The following CDC73 variants were observed in gnomAD, a reference collection of about 807,000 sequenced individuals.
CDC73 encodes parafibromin.
Under a neutral mutation model 83.7 loss-of-function variants are expected in CDC73, and 21 were observed. The observed-to-expected ratio is 0.25, with a 90% CI of 0.18 to 0.36. The LOEUF is 0.36. CDC73 is among the 10% of genes least tolerant of loss of function. The pLI is 1.00. For synonymous variants in CDC73, 224 were observed against 212.9 expected (o/e 1.05, Z -0.45); for missense variants, 342 against 653.3 (o/e 0.52, Z 5.19).
intron 13 of CDC73, among the ~76,000 whole-genome samples, chr1:193,231,733 TA>T (rs1254517454): frequency 6.6e-6 from 1 of 152,186 alleles, no homozygotes; most frequent in Non-Finnish European, 1.5e-5. Context: ...CACCATGAAC[TA>T]AAAACTTTCT....
chr1:193,122,424 G>A, intron 1 of CDC73, 93 bp downstream of exon 1: 3 of 1,524,614 alleles, frequency 2.0e-6, no homozygotes, highest in Non-Finnish European at 2.7e-6. Context: ...CGTTTCCCCT[G>A]GGGATGGGAT....
At chr1:193,234,289 A>ATT (rs1677719562) in intron 14 of CDC73, among the ~76,000 whole-genome samples, 3 of 116,128 alleles carry the variant, frequency 2.6e-5, no homozygotes, top group African/African-American at 1.0e-4. Context: ...TAATATACAT[A>ATT]TTATATATAT....
At chr1:193,239,605 A>AT (rs936051492) in intron 15 of CDC73, among the ~76,000 whole-genome samples, 9 of 151,636 alleles carry the variant, frequency 5.9e-5, no homozygotes, top group South Asian at 2.1e-4. Flanking sequence ...GACATTTAAA[A>AT]TTTTTTTTTG....
chr1:193,134,977 T>G (rs1409845946), intron 3 of CDC73, among the ~76,000 whole-genome samples: 2 of 152,100 alleles, frequency 1.3e-5, no homozygotes, highest in Non-Finnish European at 2.9e-5. Flanking sequence ...TTACCAGTTG[T>G]GAATAACTAA....
At chr1:193,138,959 G>A (rs1186375919) in intron 6 of CDC73, among the ~76,000 whole-genome samples, 20 of 151,032 alleles carry the variant, frequency 1.3e-4, no homozygotes, top group Non-Finnish European at 1.0e-4. Flanking sequence ...ACTTTTAGTA[G>A]AGATGATGTT....
chr1:193,172,617 G>A (rs1676534869), intron 10 of CDC73, among the ~76,000 whole-genome samples: 1 of 152,008 alleles, frequency 6.6e-6, no homozygotes, highest in Non-Finnish European at 1.5e-5. Flanking sequence ...ATCTTGTATG[G>A]CCCACTTGCC....
intron 13 of CDC73, among the ~76,000 whole-genome samples, chr1:193,222,723 A>T (rs542396241): frequency 8.7e-4 from 129 of 147,626 alleles, no homozygotes; most frequent in African/African-American, 3.1e-3. Context: ...CAGTTCTCAA[A>T]GTCTTGGTCG....
chr1:193,219,753 G>T (rs961091055), intron 13 of CDC73, among the ~76,000 whole-genome samples: 1 of 152,134 alleles, frequency 6.6e-6, no homozygotes, highest in South Asian at 2.1e-4. Context: ...TGGGAAGAGG[G>T]AGAGGATCAA....
intron 5 of CDC73, among the ~76,000 whole-genome samples, chr1:193,137,693 GA>G (rs1206802888): frequency 2.7e-5 from 4 of 149,962 alleles, no homozygotes; most frequent in African/African-American, 4.9e-5. Context: ...AGCAACAGAT[GA>G]AAAAAAAATG....
chr1:193,122,666 A>G (rs1350171513), intron 1 of CDC73: 2 of 249,990 alleles, frequency 8.0e-6, no homozygotes, highest in Non-Finnish European at 1.6e-5. Context: ...ATAGGTGCAC[A>G]AAGGAGCACA....
At chr1:193,153,557 A>C (rs1271239565) in intron 10 of CDC73, among the ~76,000 whole-genome samples, 1 of 152,198 alleles carries the variant, frequency 6.6e-6, no homozygotes, top group Non-Finnish European at 1.5e-5. Flanking sequence ...CTTTATATCT[A>C]CGTGGGCTTT....
chr1:193,177,547 A>AG (rs1280290428), intron 10 of CDC73, among the ~76,000 whole-genome samples: 4 of 149,458 alleles, frequency 2.7e-5, no homozygotes, highest in Admixed American at 2.7e-4. Flanking sequence ...AAAAAAAAAA[A>AG]GAACATGATC....
intron 13 of CDC73, among the ~76,000 whole-genome samples, chr1:193,216,959 A>G (rs1677378215): frequency 6.6e-6 from 1 of 152,186 alleles, no homozygotes; most frequent in Non-Finnish European, 1.5e-5. Context: ...AGAGCCGTCT[A>G]TGACAGTCCT....
At chr1:193,157,151 C>T (rs1225451502) in intron 10 of CDC73, among the ~76,000 whole-genome samples, 3 of 152,054 alleles carry the variant, frequency 2.0e-5, no homozygotes, top group Non-Finnish European at 4.4e-5. Flanking sequence ...GAACAAAAAG[C>T]AGTAGTAAAA....
In CDC73 at chr1:193,236,311, C is replaced by A. The variant is rs2102061859; in HGVS notation, c.1372C>A (p.Pro458Thr). ...QGPAWQFKGW[P>T]WLLPDGSPVD... ...TCCTGCATGGCAGTTCAAAGGTTGGCCATGGCTTTTGCCTGATGGATCACC... is the reference window on the plus strand; with the variant it reads ...TCCTGCATGGCAGTTCAAAGGTTGGACATGGCTTTTGCCTGATGGATCACC... The change falls in exon 15 of 17, where the codon CCA becomes ACA. Residue 458 changes from proline to threonine, a missense_variant. Physicochemically the swap from Pro to Thr is conservative, Grantham distance 38. Transcript: ENST00000367435. The A allele has an allele frequency of 6.2e-7, 1 of 1,613,788 alleles. No individual in the cohort carries two copies. Among genetic ancestry groups the A allele is most frequent in the Non-Finnish European group, 8.5e-7 (1 of 1,179,696 alleles).
chr1:193,246,009 T>A (rs1375273597), intron 15 of CDC73, among the ~76,000 whole-genome samples: 3 of 152,190 alleles, frequency 2.0e-5, no homozygotes, highest in Non-Finnish European at 4.4e-5. Flanking sequence ...TTTAAGTTTC[T>A]AGTATATTCT....
At chr1:193,244,872 C>T (rs970425611) in intron 15 of CDC73, among the ~76,000 whole-genome samples, 14 of 152,150 alleles carry the variant, frequency 9.2e-5, no homozygotes, top group African/African-American at 3.1e-4. Context: ...ATCTGTTAAA[C>T]TGTTGACTCT....
At chr1:193,141,709 C>T in intron 6 of CDC73, 141 bp from the exon 7 acceptor site, 1 of 633,076 alleles carries the variant, frequency 1.6e-6, no homozygotes, top group Non-Finnish European at 2.8e-6. Context: ...TGCAGAATAG[C>T]AAGTCAGTCT....
At chr1:193,172,731 C>T (rs1676536793) in intron 10 of CDC73, among the ~76,000 whole-genome samples, 1 of 152,062 alleles carries the variant, frequency 6.6e-6, no homozygotes, top group African/African-American at 2.4e-5. Flanking sequence ...CTTCCTTTTG[C>T]CATCCTGTGT....
Sources: gnomAD v4.1 joint callset for allele counts (sites outside exome capture counted in the v4.1 genomes callset) on GRCh38, gnomAD v4.1.1 for gene constraint, MANE v1.5 for transcripts, NCBI Gene and HGNC (gene_info 2026-07-23, HGNC 2026-07-21) for gene names.